Variants in RAD54L observed in about 807,000 individuals in gnomAD.
RAD54L encodes the protein DNA repair and recombination protein RAD54-like.
In RAD54L, 74 loss-of-function variants were observed where a neutral mutation model predicts 91.6. The ratio of observed to expected loss-of-function variants is 0.81; its 90% CI spans 0.67 to 0.98. The LOEUF is 0.98. RAD54L is among the 50% of genes least tolerant of loss of function. The pLI, the probability that RAD54L is intolerant of heterozygous loss-of-function variation, is 0.00. For missense variants in RAD54L, 887 were observed against 945.7 expected, an observed-to-expected ratio of 0.94 and a Z score of 0.81; for synonymous variants, 304 against 349.7, an observed-to-expected ratio of 0.87 and a Z score of 1.46.
chr1:46,248,478 C>T lies in RAD54L; in HGVS notation c.4-34C>T, dbSNP rs1163462297. On this transcript the variant is annotated intron_variant, in intron 1 of 17. Coordinates refer to ENST00000371975, the MANE Select transcript of RAD54L (RefSeq NM_003579.4). ...GTCTAGTAGGCCTAGGCTGCAGGAT[C>T]CTTGCAGGCACTGTTTCTGTTCTCC... The T allele has an allele frequency of 6.8e-6, 11 of 1,613,716 alleles. No individual in the cohort carries two copies. In the South Asian group the frequency reaches 9.9e-5, roughly 14 times the overall value.
At chr1:46,270,868 C>T in intron 10 of RAD54L, 83 bp downstream of exon 10, 1 of 1,582,276 alleles carries the variant, frequency 6.3e-7, no homozygotes, top group South Asian at 1.1e-5. Context: ...TCTCTAGAGC[C>T]CTCAAAGGCT....
At chr1:46,275,548 T>G (rs1660568901) in intron 16 of RAD54L, among the ~76,000 whole-genome samples, 1 of 152,194 alleles carries the variant, frequency 6.6e-6, no homozygotes, top group East Asian at 1.9e-4. Context: ...AATTGGATTA[T>G]TTGAGCTGTT....
At chr1:46,274,356 G>A (rs1660531614) in intron 15 of RAD54L, 140 bp downstream of exon 15, 4 of 1,269,756 alleles carry the variant, frequency 3.2e-6, no homozygotes, top group Non-Finnish European at 3.4e-6. Context: ...TCTGGTTGGT[G>A]ATGGCTGGGC....
chr1:46,276,425 T>TGCTG (rs764065450), intron 16 of RAD54L, among the ~76,000 whole-genome samples: 62 of 152,260 alleles, frequency 4.1e-4, no homozygotes, highest in Non-Finnish European at 8.2e-4. Flanking sequence ...CCTTCCCAAG[T>TGCTG]GCTGGGATTA....
intron 8 of RAD54L, among the ~76,000 whole-genome samples, chr1:46,267,192 T>C (rs1156928645): frequency 6.6e-6 from 1 of 152,196 alleles, no homozygotes; most frequent in Non-Finnish European, 1.5e-5. Context: ...GCCTCCCAAG[T>C]AGCTGGGGCT....
chr1:46,253,562 C>T (rs1659858728), intron 3 of RAD54L, among the ~76,000 whole-genome samples: 1 of 151,666 alleles, frequency 6.6e-6, no homozygotes. Flanking sequence ...TTGCAGTGAG[C>T]CAAGATTGTG....
At chr1:46,267,825 A>T (rs544363923) in intron 9 of RAD54L, 1 of 644,316 alleles carries the variant, frequency 1.6e-6, no homozygotes, top group African/African-American at 1.8e-5. Flanking sequence ...CCATTTTTCC[A>T]TTGCAGAGGT....
In RAD54L at chr1:46,274,218, T is replaced by C; in HGVS notation, c.1689+2T>C. On this transcript the variant is annotated splice_donor_variant, in intron 15 of 17. Coordinates refer to ENST00000371975, the MANE Select transcript of RAD54L (RefSeq NM_003579.4). LOFTEE classifies it high-confidence loss of function. ...GTAGAACGCTTCAATAGTCCATCGG[T>C]AAATGCACATCCCCGTCCCCACACC... 1 of 1,607,664 alleles carries C rather than the reference T, an allele frequency of 6.2e-7. No individual in the cohort carries two copies. The highest frequency in any genetic ancestry group is 8.5e-7 in the Non-Finnish European group (1 of 1,174,292).
At chr1:46,252,206 G>T (rs1659816322) in intron 3 of RAD54L, among the ~76,000 whole-genome samples, 1 of 152,140 alleles carries the variant, frequency 6.6e-6, no homozygotes, top group South Asian at 2.1e-4. Flanking sequence ...AGAGTGTGGG[G>T]AGTTGGGGGA....
At chr1:46,250,216 G>C (rs1659760821) in intron 3 of RAD54L, 97 bp downstream of exon 3, 1 of 1,528,252 alleles carries the variant, frequency 6.5e-7, no homozygotes, top group South Asian at 1.1e-5. Flanking sequence ...GCTTTCTAGA[G>C]TGGCCAGAAG....
chr1:46,254,286 CT>C (rs146859919), intron 3 of RAD54L, among the ~76,000 whole-genome samples: 8 of 145,192 alleles, frequency 5.5e-5, no homozygotes, highest in East Asian at 2.1e-4. Flanking sequence ...CTTTTTTTTT[CT>C]TTTTTTTTTC....
At chr1:46,256,481 C>T (rs1659943342) in intron 3 of RAD54L, among the ~76,000 whole-genome samples, 1 of 152,036 alleles carries the variant, frequency 6.6e-6, no homozygotes, top group African/African-American at 2.4e-5. Context: ...TGGCTCATGC[C>T]TATAATCCCA....
chr1:46,273,539 C>T, intron 13 of RAD54L, 74 bp downstream of exon 13: 1 of 1,611,424 alleles, frequency 6.2e-7, no homozygotes, highest in Admixed American at 1.7e-5. Context: ...CTAGGGCTGT[C>T]CTGTTTCAAG....
chr1:46,261,456 C>T, intron 8 of RAD54L, 71 bp downstream of exon 8: 2 of 1,576,802 alleles, frequency 1.3e-6, no homozygotes, highest in Non-Finnish European at 1.7e-6. Flanking sequence ...TATTGCCTTC[C>T]AAGGGCTGTG....
intron 10 of RAD54L, among the ~76,000 whole-genome samples, chr1:46,271,718 G>A (rs368536226): frequency 5.9e-5 from 9 of 152,090 alleles, no homozygotes; most frequent in African/African-American, 1.9e-4. Context: ...TGCTTCTTAG[G>A]TGCCTGATAC....
intron 10 of RAD54L, 121 bp from the exon 11 acceptor site, chr1:46,272,345 G>C: frequency 1.1e-6 from 1 of 941,346 alleles, no homozygotes; most frequent in Non-Finnish European, 1.7e-6. Flanking sequence ...GCCTGGCCGA[G>C]TCTCTGACAT....
In RAD54L at chr1:46,248,614, G is replaced by A. The variant is rs1289015819; in HGVS notation, c.90+16G>A. On this transcript the variant is annotated intron_variant, in intron 2 of 17. Transcript: ENST00000371975. ...TGGCCTAGTGGTGAGCACTCAAGGG[G>A]ACAGGGAAGGTGGGTAGAGCTGTTT... 3.1e-6 allele frequency: 5 copies of A among 1,612,112 alleles called. No homozygotes were observed. The East Asian group carries it at 1.1e-4, about 36-fold the overall frequency.
At chr1:46,262,985 G>T (rs1447059137) in intron 8 of RAD54L, among the ~76,000 whole-genome samples, 2 of 151,930 alleles carry the variant, frequency 1.3e-5, no homozygotes, top group Non-Finnish European at 2.9e-5. Context: ...CTGCCTCATA[G>T]GATTATTGTG....
At chr1:46,269,085 T>A (rs1432355908) in intron 9 of RAD54L, among the ~76,000 whole-genome samples, 1 of 152,204 alleles carries the variant, frequency 6.6e-6, no homozygotes, top group Non-Finnish European at 1.5e-5. Context: ...TCTGTTTGGA[T>A]ATCTGGTTCA....
Sources: gnomAD v4.1 joint callset for allele counts (sites outside exome capture counted in the v4.1 genomes callset) on GRCh38, gnomAD v4.1.1 for gene constraint, MANE v1.5 for transcripts, NCBI Gene and HGNC (gene_info 2026-07-23, HGNC 2026-07-21) for gene names.